Variants in RAB22A observed in about 807,000 individuals in gnomAD.
RAB22A encodes the protein ras-related protein Rab-22A.
A neutral mutation model predicts 30.2 loss-of-function variants in RAB22A; 13 were observed. The observed-to-expected ratio is 0.43, with a 90% CI of 0.28 to 0.68. The LOEUF (loss-of-function observed/expected upper bound fraction) is 0.68, where lower values mean the gene tolerates loss of function less well. RAB22A is among the 30% of genes least tolerant of loss of function. RAB22A has a pLI of 0.18. For synonymous variants in RAB22A, 89 were observed against 87.2 expected, an observed-to-expected ratio of 1.02 and a Z score of -0.11; for missense variants, 177 against 246.8, an observed-to-expected ratio of 0.72 and a Z score of 1.89.
intron 2 of RAB22A, among the ~76,000 whole-genome samples, chr20:58,312,051 G>T (rs533174206): frequency 6.6e-6 from 1 of 152,098 alleles, no homozygotes; most frequent in Non-Finnish European, 1.5e-5. Context: ...TGCCTCCCGG[G>T]TTCAAGCGAT....
chr20:58,360,462 T>C lies in RAB22A; in HGVS notation c.*759T>C, dbSNP rs945802224. ...TGAATTTCATATGTTCTAAAATGACTAGCAATGGTTTAAAAAGGAAGAAGA... is the reference window on the plus strand; with the variant it reads ...TGAATTTCATATGTTCTAAAATGACCAGCAATGGTTTAAAAAGGAAGAAGA... On this transcript the variant is annotated 3_prime_UTR_variant, in exon 7 of 7. Coordinates refer to ENST00000244040, the MANE Select transcript of RAB22A (RefSeq NM_020673.3). The C allele has an allele frequency of 2.0e-5, 3 of 152,594 alleles. No individual in the cohort carries two copies. The highest frequency in any genetic ancestry group is 4.4e-5 in the Non-Finnish European group (3 of 68,024). The allele number at this position is 152,594 out of a possible 1,614,324, so 9.5% of individuals were successfully genotyped here.
In RAB22A at chr20:58,361,432, A is replaced by C. The variant is rs1987222445; in HGVS notation, c.*1729A>C. On this transcript the variant is annotated 3_prime_UTR_variant, in exon 7 of 7. Transcript: ENST00000244040. ...GGAATTTTTTTTATCTTCTGAAATC[A>C]TATAAAAAGAATGTCATTAGTAAAA... 6.6e-6 allele frequency: 1 copy of C among 152,192 alleles called. No homozygotes were observed. The highest frequency in any genetic ancestry group is 2.1e-4 in the South Asian group (1 of 4,826). 9.4% of individuals were successfully genotyped at this position (152,192 alleles called of 1,614,324 possible). A position where few individuals can be genotyped will look rare whatever the true frequency, so the allele number is the denominator to read the frequency against.
At chr20:58,319,822 A>T (rs1986417208) in intron 2 of RAB22A, among the ~76,000 whole-genome samples, 1 of 152,022 alleles carries the variant, frequency 6.6e-6, no homozygotes, top group Non-Finnish European at 1.5e-5. Flanking sequence ...AATTAATGAG[A>T]TTTTTTGTCA....
At chr20:58,338,428 A>G (rs1311787266) in intron 2 of RAB22A, among the ~76,000 whole-genome samples, 2 of 152,222 alleles carry the variant, frequency 1.3e-5, no homozygotes, top group Non-Finnish European at 2.9e-5. Flanking sequence ...TAGGATGACC[A>G]TGAACCTGTG....
At chr20:58,350,081 G>A (rs1168355372) in intron 3 of RAB22A, among the ~76,000 whole-genome samples, 1 of 151,836 alleles carries the variant, frequency 6.6e-6, no homozygotes, top group East Asian at 1.9e-4. Context: ...GGACAACATG[G>A]CAAAAGCCCA....
chr20:58,345,740 T>A (rs1986934841), intron 3 of RAB22A: 1 of 152,252 alleles, frequency 6.6e-6, no homozygotes, highest in Non-Finnish European at 1.5e-5. Context: ...CTTGTAAGCC[T>A]GTCTGGGTCA....
intron 2 of RAB22A, 85 bp from the exon 3 acceptor site, chr20:58,343,633 G>T: frequency 2.0e-6 from 2 of 1,010,910 alleles, no homozygotes; most frequent in Non-Finnish European, 3.1e-6. Context: ...ACTGAGCGTT[G>T]GTTGAGTCTA....
intron 2 of RAB22A, among the ~76,000 whole-genome samples, chr20:58,315,011 AG>A (rs1215735461): frequency 6.6e-6 from 1 of 152,044 alleles, no homozygotes; most frequent in Non-Finnish European, 1.5e-5. Flanking sequence ...GGGTGGCTGG[AG>A]GACCCACAGC....
chr20:58,310,415 C>T (rs953503509), intron 1 of RAB22A, among the ~76,000 whole-genome samples: 1 of 152,180 alleles, frequency 6.6e-6, no homozygotes, highest in African/African-American at 2.4e-5. Context: ...GCAGCATTAG[C>T]CTACTTTGTC....
In RAB22A at chr20:58,361,065, T is replaced by C. The variant is rs1037667332; in HGVS notation, c.*1362T>C. On this transcript the variant is annotated 3_prime_UTR_variant, in exon 7 of 7. Transcript: ENST00000244040. ...CCCTGCCTCTGTTAGTGGTTAACAC[T>C]CTTTTCCCTCAGGGAGCCTAATGAG... The C allele has an allele frequency of 6.6e-6, 1 of 152,646 alleles. No individual in the cohort carries two copies. Among genetic ancestry groups the C allele is most frequent in the African/African-American group, 2.4e-5 (1 of 41,450 alleles). 9.5% of individuals were successfully genotyped at this position (152,646 alleles called of 1,614,324 possible). A position where few individuals can be genotyped will look rare whatever the true frequency, so the allele number is the denominator to read the frequency against.
rs1987336961 is a variant in RAB22A, at chr20:58,367,326, C to T, written c.*7623C>T. On this transcript the variant is annotated 3_prime_UTR_variant, in exon 7 of 7. Coordinates refer to ENST00000244040, the MANE Select transcript of RAB22A (RefSeq NM_020673.3). Reference sequence around the variant, plus strand: ...TTTTTTGTTGTAAGATTTTTGTTTTCATGCCTATGCTCATAGTAGATAGTT... The same window carrying T: ...TTTTTTGTTGTAAGATTTTTGTTTTTATGCCTATGCTCATAGTAGATAGTT... 6.6e-6 allele frequency: 1 copy of T among 152,382 alleles called. No individual in the cohort carries two copies. Among genetic ancestry groups the T allele is most frequent in the African/African-American group, 2.4e-5 (1 of 41,448 alleles). 9.4% of individuals were successfully genotyped at this position (152,382 alleles called of 1,614,324 possible).
At chr20:58,315,828 A>G (rs3787153) in intron 2 of RAB22A, among the ~76,000 whole-genome samples, 18,692 of 152,030 alleles carry the variant, frequency 0.12, 1,766 homozygotes, top group East Asian at 0.42. Context: ...AGAACCAGTT[A>G]TTCTGTGGCC....
chr20:58,352,312 C>T (rs565294579), intron 3 of RAB22A, among the ~76,000 whole-genome samples: 25 of 152,290 alleles, frequency 1.6e-4, no homozygotes, highest in Non-Finnish European at 2.9e-4. Flanking sequence ...ACCAAATGCT[C>T]CCCTGTGATA....
intron 2 of RAB22A, among the ~76,000 whole-genome samples, chr20:58,341,257 G>C (rs1986848372): frequency 6.6e-6 from 1 of 152,084 alleles, no homozygotes; most frequent in African/African-American, 2.4e-5. Flanking sequence ...AAGGAGGAGA[G>C]AGAATGTGGG....
At chr20:58,337,058 G>C (rs1026761204) in intron 2 of RAB22A, among the ~76,000 whole-genome samples, 1 of 152,114 alleles carries the variant, frequency 6.6e-6, no homozygotes, top group Non-Finnish European at 1.5e-5. Context: ...TTCTCTGAAG[G>C]CTTTCCTGAT....
chr20:58,312,849 A>G lies in RAB22A; in HGVS notation c.116+1727A>G, dbSNP rs1375733554. On this transcript the variant is annotated intron_variant, in intron 2 of 6. Coordinates refer to ENST00000244040, the MANE Select transcript of RAB22A (RefSeq NM_020673.3). Reference sequence around the variant, plus strand: ...ACACATTTGAAGGCATGGGGATGAAATTCACCAATAAGTTTCTGCAATTAA... The same window carrying G: ...ACACATTTGAAGGCATGGGGATGAAGTTCACCAATAAGTTTCTGCAATTAA... Among the ~76,000 whole-genome samples, 9 of 151,972 alleles carry G rather than the reference A, an allele frequency of 5.9e-5. No individual in the cohort carries two copies. The East Asian group carries it at 1.7e-3, about 29-fold the overall frequency.
At chr20:58,327,303 A>G (rs140089152) in intron 2 of RAB22A, among the ~76,000 whole-genome samples, 1 of 152,202 alleles carries the variant, frequency 6.6e-6, no homozygotes, top group East Asian at 1.9e-4. Context: ...GTTATCTCAC[A>G]TTTTCTGTGT....
intron 2 of RAB22A, 57 bp downstream of exon 2, chr20:58,311,179 C>T (rs41275666): frequency 0.023 from 33,408 of 1,447,662 alleles, 500 homozygotes; most frequent in Non-Finnish European, 0.027. Flanking sequence ...CTTCCAAATA[C>T]ATAGTGTGTT....
At position 58,318,420 on chromosome 20, in the gene RAB22A, A is replaced by G. The variant is rs530258578; in HGVS notation, c.116+7298A>G. The stretch of plus-strand genomic sequence containing the variant: ...CAAATACAAAATGCTCCAAAATCTA[A>G]AACTTTTTGAGCAACAGTATGACAC... On this transcript the variant is annotated intron_variant, in intron 2 of 6. Coordinates refer to ENST00000244040, the MANE Select transcript of RAB22A (RefSeq NM_020673.3). Among the ~76,000 whole-genome samples the G allele has an allele frequency of 2.0e-4, 31 of 152,322 alleles. No individual in the cohort carries two copies. The South Asian group carries it at 6.2e-3, about 31-fold the overall frequency.
Sources: allele counts gnomAD v4.1 joint callset (sites outside exome capture counted in the v4.1 genomes callset), GRCh38; gene constraint gnomAD v4.1.1; transcripts MANE v1.5; gene names NCBI Gene and HGNC (gene_info 2026-07-23, HGNC 2026-07-21).